The following RAB27B variants were observed in gnomAD, a reference collection of about 807,000 sequenced individuals.
RAB27B encodes ras-related protein Rab-27B.
Under a neutral mutation model 24.6 loss-of-function variants are expected in RAB27B, and 15 were observed. The observed-to-expected ratio is 0.61, with a 90% CI of 0.41 to 0.94. RAB27B has a LOEUF of 0.94. RAB27B is among the 40% of genes least tolerant of loss of function. The pLI is 0.00. For missense variants in RAB27B, 261 were observed against 266.8 expected, an observed-to-expected ratio of 0.98 and a Z score of 0.15; for synonymous variants, 105 against 92.5, an observed-to-expected ratio of 1.14 and a Z score of -0.78.
At chr18:54,853,558 C>T (rs895674688) in intron 1 of RAB27B, among the ~76,000 whole-genome samples, 2 of 152,166 alleles carry the variant, frequency 1.3e-5, no homozygotes, top group African/African-American at 4.8e-5. Flanking sequence ...GTATAGTTTT[C>T]TCTAAGTACT....
chr18:54,844,491 C>A (rs755787665), intron 1 of RAB27B, among the ~76,000 whole-genome samples: 12 of 146,762 alleles, frequency 8.2e-5, no homozygotes, highest in Non-Finnish European at 1.6e-4. Context: ...TGCAAAAACT[C>A]CACCTCCCGG....
At chr18:54,822,022 G>C (rs950598673) in intron 2 of RAB27B, among the ~76,000 whole-genome samples, 1 of 152,068 alleles carries the variant, frequency 6.6e-6, no homozygotes, top group Admixed American at 6.5e-5. Flanking sequence ...CAAAGTGCTG[G>C]GATTACAAGA....
chr18:54,744,501 A>T (rs1004947074), intron 2 of RAB27B, among the ~76,000 whole-genome samples: 1 of 152,224 alleles, frequency 6.6e-6, no homozygotes, highest in African/African-American at 2.4e-5. Flanking sequence ...AAAATATTTC[A>T]GAAAACATTC....
intron 1 of RAB27B, among the ~76,000 whole-genome samples, chr18:54,870,414 TG>T (rs1426148134): frequency 6.6e-6 from 1 of 152,136 alleles, no homozygotes; most frequent in Non-Finnish European, 1.5e-5. Flanking sequence ...TGTTGCTTAA[TG>T]GGAAAACACT....
intron 2 of RAB27B, among the ~76,000 whole-genome samples, chr18:54,757,581 A>T (rs1908048024): frequency 6.6e-6 from 1 of 152,176 alleles, no homozygotes; most frequent in Non-Finnish European, 1.5e-5. Flanking sequence ...GAATTGTTAT[A>T]TGTGTTCACT....
intron 2 of RAB27B, among the ~76,000 whole-genome samples, chr18:54,760,995 CTTT>C (rs199850716): frequency 9.6e-5 from 14 of 145,896 alleles, no homozygotes; most frequent in Admixed American, 6.8e-5. Context: ...GAGAGGTATT[CTTT>C]TTTTTTTTTT....
At chr18:54,790,637 T>G (rs1460138310) in intron 2 of RAB27B, among the ~76,000 whole-genome samples, 2 of 152,162 alleles carry the variant, frequency 1.3e-5, no homozygotes, top group Non-Finnish European at 2.9e-5. Context: ...TTGGAGATAT[T>G]TTTGTATAAG....
intron 2 of RAB27B, among the ~76,000 whole-genome samples, chr18:54,792,530 C>T (rs768622229): frequency 6.6e-6 from 1 of 151,950 alleles, no homozygotes; most frequent in Non-Finnish European, 1.5e-5. Flanking sequence ...AAATGAACAC[C>T]CACGTTAATG....
At chr18:54,816,424 T>C (rs1018403437) in intron 2 of RAB27B, among the ~76,000 whole-genome samples, 5 of 152,344 alleles carry the variant, frequency 3.3e-5, no homozygotes, top group African/African-American at 9.6e-5. Flanking sequence ...AATCAGTAAG[T>C]ATATCCGTGC....
rs578178144 is a variant in RAB27B at position 54,891,409 on chromosome 18, A to T, written c.*1996A>T. The T allele has an allele frequency of 6.6e-6, 1 of 151,156 alleles. No homozygotes were observed. The highest frequency in any genetic ancestry group is 2.1e-4 in the South Asian group (1 of 4,808). The allele number at this position is 151,156 out of a possible 1,614,324, so 9.4% of individuals were successfully genotyped here. On this transcript the variant is annotated 3_prime_UTR_variant, in exon 6 of 6. Coordinates refer to ENST00000262094, the MANE Select transcript of RAB27B (RefSeq NM_004163.4). ...TCCCTCCCATGGTGTTTCCTCTGGG[A>T]TGCTCTTCATTATCTCAATGCCTGT... is the stretch of plus-strand genomic sequence containing the variant.
intron 2 of RAB27B, among the ~76,000 whole-genome samples, chr18:54,728,875 CAAAAAAA>C (rs56161105): frequency 2.7e-5 from 1 of 36,668 alleles, no homozygotes; most frequent in African/African-American, 1.2e-4. Flanking sequence ...GACTCTGTCT[CAAAAAAA>C]AAAAAAAAAA....
intron 1 of RAB27B, among the ~76,000 whole-genome samples, chr18:54,866,150 G>A (rs1912212620): frequency 6.6e-6 from 1 of 152,086 alleles, no homozygotes; most frequent in South Asian, 2.1e-4. Context: ...GCTAAATTAG[G>A]GTTCCAATCC....
In RAB27B at chr18:54,828,504, C is replaced by T. The variant is rs1910552615; in HGVS notation, c.-216C>T. 6.6e-6 allele frequency: 1 copy of T among 152,432 alleles called. No homozygotes were observed. Among genetic ancestry groups the T allele is most frequent in the Non-Finnish European group, 1.5e-5 (1 of 68,134 alleles). The allele number at this position is 152,432 out of a possible 1,614,324, so 9.4% of individuals were successfully genotyped here. On this transcript the variant is annotated 5_prime_UTR_variant, in exon 1 of 6. Transcript: ENST00000262094. The stretch of plus-strand genomic sequence containing the variant: ...TCGCAGTCCTGACGGGCAGGGGCTG[C>T]GGACCGCCCGGCCTTGGACCCATCC...
intron 1 of RAB27B, among the ~76,000 whole-genome samples, chr18:54,867,354 G>A (rs541699498): frequency 1.3e-5 from 2 of 151,880 alleles, no homozygotes; most frequent in East Asian, 1.9e-4. Context: ...CTGAACAATA[G>A]CATTATTAAT....
At chr18:54,841,184 G>A (rs1038457917) in intron 1 of RAB27B, among the ~76,000 whole-genome samples, 6 of 144,152 alleles carry the variant, frequency 4.2e-5, no homozygotes, top group Non-Finnish European at 7.7e-5. Context: ...TGAGAGGGGC[G>A]GGAAAAATAC....
chr18:54,874,667 G>C (rs1256169927), intron 1 of RAB27B, among the ~76,000 whole-genome samples: 1 of 151,860 alleles, frequency 6.6e-6, no homozygotes, highest in East Asian at 1.9e-4. Context: ...GAAATCCAAT[G>C]TCTTCAATTT....
chr18:54,728,608 C>T (rs1909618683), intron 2 of RAB27B, among the ~76,000 whole-genome samples: 2 of 152,050 alleles, frequency 1.3e-5, no homozygotes, highest in South Asian at 2.1e-4. Flanking sequence ...GCTGTGGTGG[C>T]TCATGCCTGT....
intron 2 of RAB27B, 131 bp downstream of exon 2, chr18:54,877,869 T>C: frequency 1.0e-6 from 1 of 962,324 alleles, no homozygotes; most frequent in South Asian, 2.2e-5. Context: ...TTTTAATTTA[T>C]TTTAGAATAT....
At chr18:54,814,954 C>T (rs755604930) in intron 2 of RAB27B, among the ~76,000 whole-genome samples, 4 of 152,132 alleles carry the variant, frequency 2.6e-5, no homozygotes, top group Admixed American at 6.5e-5. Context: ...CAGTTTTTCT[C>T]ATCCTTTATT....
Sources: gnomAD v4.1 joint callset for allele counts (sites outside exome capture counted in the v4.1 genomes callset) on GRCh38, gnomAD v4.1.1 for gene constraint, MANE v1.5 for transcripts, NCBI Gene and HGNC (gene_info 2026-07-23, HGNC 2026-07-21) for gene names.